CPAMD8: variants seen among roughly 807,000 people sequenced by gnomAD.
The protein encoded by CPAMD8 is C3 and PZP-like alpha-2-macroglobulin domain-containing protein 8.
CPAMD8 carries 146 observed loss-of-function variants against 224.7 expected under a neutral mutation model. The observed-to-expected ratio is 0.65, with a 90% CI of 0.57 to 0.75. CPAMD8 has a LOEUF of 0.75. Among genes scored for constraint, CPAMD8 ranks in the 30% least tolerant of loss-of-function variants. The pLI, the probability that CPAMD8 is intolerant of heterozygous loss-of-function variation, is 0.00. For missense variants in CPAMD8, 2,301 were observed against 2,537.5 expected (o/e 0.91, Z 2.00); for synonymous variants, 966 against 1,044.6 (o/e 0.92, Z 1.45).
At position 17,026,612 on chromosome 19, in the gene CPAMD8, G is replaced by A. The variant is rs759487875; in HGVS notation, c.31C>T (p.Pro11Ser). 2.7e-4 allele frequency: 411 copies of A among 1,514,838 alleles called. No homozygotes were observed. The highest frequency in any genetic ancestry group is 3.4e-4 in the Non-Finnish European group (387 of 1,139,548). 93.8% of individuals were successfully genotyped at this position (1,514,838 alleles called of 1,614,324 possible). ...GCCGACAGCAGCAGGAGCAGGAGCG[G>A]GAGCAACGGCCAGAGCAGGGCGCCG... Reference protein sequence around the residue: MSGALLWPLLPLLLLLLSARD... With the variant: MSGALLWPLLSLLLLLLSARD... The change falls in exon 1 of 42, where the codon CCG (proline) becomes TCG (serine). Residue 11 changes from proline to serine, a missense_variant. Coordinates refer to ENST00000443236, the MANE Select transcript of CPAMD8 (RefSeq NM_015692.5).
intron 17 of CPAMD8, 57 bp downstream of exon 17, chr19:16,975,040 T>A (rs1453123191): frequency 6.4e-7 from 1 of 1,560,464 alleles, no homozygotes; most frequent in Admixed American, 2.1e-5. Context: ...AGACTCTTAT[T>A]TCTAGGCAAG....
intron 18 of CPAMD8, among the ~76,000 whole-genome samples, chr19:16,968,695 G>A (rs2054943633): frequency 6.6e-6 from 1 of 152,128 alleles, no homozygotes; most frequent in Non-Finnish European, 1.5e-5. Flanking sequence ...CTGGAGTGCA[G>A]TGGCACAATC....
chr19:16,919,293 C>T (rs148299814), intron 27 of CPAMD8, among the ~76,000 whole-genome samples: 23 of 152,286 alleles, frequency 1.5e-4, no homozygotes, highest in African/African-American at 5.3e-4. Flanking sequence ...GCTATGGCAT[C>T]CTTCCCGCTT....
rs762672386 is a variant in CPAMD8 at position 16,980,700 on chromosome 19, G to A, written c.1396-14C>T. The A allele has an allele frequency of 5.9e-6, 9 of 1,514,596 alleles. No individual in the cohort carries two copies. The highest frequency in any genetic ancestry group is 1.3e-5 in the South Asian group (1 of 75,612). 93.8% of individuals were successfully genotyped at this position (1,514,596 alleles called of 1,614,324 possible). A position where few individuals can be genotyped will look rare whatever the true frequency, so the allele number is the denominator to read the frequency against. ...TTCTTCCCCAACCTATGGAAGACACGCAGCATGGGGGGCTCTGCCTCGCAC... is the reference window on the plus strand; with the variant it reads ...TTCTTCCCCAACCTATGGAAGACACACAGCATGGGGGGCTCTGCCTCGCAC... On this transcript the variant is annotated splice_polypyrimidine_tract_variant and intron_variant, in intron 13 of 41. Transcript: ENST00000443236.
At chr19:16,963,719 T>G (rs1263651498) in intron 18 of CPAMD8, among the ~76,000 whole-genome samples, 1 of 151,914 alleles carries the variant, frequency 6.6e-6, no homozygotes, top group Non-Finnish European at 1.5e-5. Flanking sequence ...GAACTCTCCA[T>G]CCTAAATCAA....
chr19:16,986,956 G>C (rs539346879), intron 13 of CPAMD8, among the ~76,000 whole-genome samples: 3 of 151,666 alleles, frequency 2.0e-5, no homozygotes, highest in African/African-American at 7.3e-5. Flanking sequence ...AGGAGTTCGA[G>C]ACCACCCTGG....
Position 16,994,515 on chromosome 19 carries a change from C to CTTTTTT in CPAMD8, c.1096-935_1096-930dup, listed in dbSNP as rs71180347. ...CCACATGATCTTCATTAACCACTCC[C>CTTTTTT]TTTTTTTTTTTTTTTTTTTTTGAGA... On this transcript the variant is annotated intron_variant, in intron 11 of 41. Coordinates refer to ENST00000443236, the MANE Select transcript of CPAMD8 (RefSeq NM_015692.5). 4.5e-4 allele frequency among the ~76,000 whole-genome samples: 47 copies of CTTTTTT among 105,288 alleles called. 1 individual carries two copies. Among genetic ancestry groups the CTTTTTT allele is most frequent in the African/African-American group, 7.6e-4 (20 of 26,234 alleles). 69.1% of individuals were successfully genotyped at this position (105,288 alleles called of 152,430 possible).
In CPAMD8 at chr19:16,914,736, G is replaced by A. The variant is rs377222098; in HGVS notation, c.3707C>T (p.Ala1236Val). Residue 1236 changes from alanine (A) to valine (V), a missense_variant, in exon 28 of 42, where the codon GCC becomes GTC. Physicochemically the swap from Ala to Val is moderately conservative, Grantham distance 64. Around this residue, in one of 4 missense-constraint regions of CPAMD8, gnomAD observed 1,709 missense variants for 1,753.2 expected, o/e 0.97. Coordinates refer to ENST00000443236, the MANE Select transcript of CPAMD8 (RefSeq NM_015692.5). ...IFVDPRELAA[A>V]KSWIIQQQQA... Reference sequence around the variant, plus strand: ...CTGCTGCTGGATGATCCAGCTCTTGGCGGCAGCCAGCTCCCGGGGGTCCAC... The same window carrying A: ...CTGCTGCTGGATGATCCAGCTCTTGACGGCAGCCAGCTCCCGGGGGTCCAC... 16 of 1,613,966 alleles carry A rather than the reference G, an allele frequency of 9.9e-6. No individual in the cohort carries two copies. Among genetic ancestry groups the A allele is most frequent in the South Asian group, 6.6e-5 (6 of 91,082 alleles).
chr19:17,003,454 T>G (rs775829869), intron 8 of CPAMD8, among the ~76,000 whole-genome samples: 1 of 151,650 alleles, frequency 6.6e-6, no homozygotes, highest in Non-Finnish European at 1.5e-5. Context: ...AGCCTCAGCT[T>G]CCCAAAGTGT....
intron 12 of CPAMD8, among the ~76,000 whole-genome samples, chr19:16,990,430 G>T (rs1278396113): frequency 1.3e-5 from 2 of 151,832 alleles, no homozygotes; most frequent in Non-Finnish European, 2.9e-5. Context: ...AAAAATTTGT[G>T]CCTGGAGACT....
Position 16,980,821 on chromosome 19 carries a change from C to G in CPAMD8, c.1396-135G>C, listed in dbSNP as rs1452075027. The G allele has an allele frequency of 1.9e-5, 11 of 574,558 alleles. No homozygotes were observed. In the East Asian group the frequency reaches 2.8e-4, roughly 15 times the overall value. 35.6% of individuals were successfully genotyped at this position (574,558 alleles called of 1,614,324 possible). On this transcript the variant is annotated intron_variant, in intron 13 of 41. Transcript: ENST00000443236. ...GGAGTGCCCAGCATCCAGTCCTGGC[C>G]CCTAGCTTTTTTGTTTTTTGTTTTC...
chr19:16,956,902 G>T (rs535574411), intron 19 of CPAMD8, among the ~76,000 whole-genome samples: 1 of 152,028 alleles, frequency 6.6e-6, no homozygotes, highest in Non-Finnish European at 1.5e-5. Context: ...TCCTGATCTC[G>T]TGATCCACCT....
Position 16,935,405 on chromosome 19 carries a change from A to G in CPAMD8, c.2845+2990T>C, listed in dbSNP as rs140668973. Among the ~76,000 whole-genome samples, 705 of 152,150 alleles carry G rather than the reference A, an allele frequency of 4.6e-3. 5 individuals are homozygous for G. The highest frequency in any genetic ancestry group is 0.016 in the African/African-American group (676 of 41,516). On this transcript the variant is annotated intron_variant, in intron 23 of 41. Transcript: ENST00000443236. Reference sequence around the variant, plus strand: ...CCGTTGCCCATTTATAACCATATCCATCCCCTACTTCCTTCTCCCTCTCCC... The same window carrying G: ...CCGTTGCCCATTTATAACCATATCCGTCCCCTACTTCCTTCTCCCTCTCCC...
chr19:16,958,537 T>C (rs1392802662), intron 18 of CPAMD8, among the ~76,000 whole-genome samples: 2 of 152,230 alleles, frequency 1.3e-5, no homozygotes, highest in Non-Finnish European at 2.9e-5. Flanking sequence ...AGCATTTAGG[T>C]TGATTCCAGG....
At position 16,895,925 on chromosome 19, in the gene CPAMD8, A is replaced by ACGCG. The variant is rs771852924; in HGVS notation, c.5426+250_5426+251insCGCG. On this transcript the variant is annotated intron_variant, in intron 41 of 41. Transcript: ENST00000443236. ...CACGCACACACACACACACACACACACACGCGCGCGTGCGCCCGCGCACAG... is the reference window on the plus strand; with the variant it reads ...CACGCACACACACACACACACACACACGCGCACGCGCGCGTGCGCCCGCGCACAG... 2,205 of 525,488 alleles carry ACGCG rather than the reference A, an allele frequency of 4.2e-3. 1 individual carries two copies. Among genetic ancestry groups the ACGCG allele is most frequent in the Non-Finnish European group, 5.3e-3 (1,485 of 279,636 alleles). 32.6% of individuals were successfully genotyped at this position (525,488 alleles called of 1,614,324 possible). A position where few individuals can be genotyped will look rare whatever the true frequency, so the allele number is the denominator to read the frequency against.
intron 29 of CPAMD8, among the ~76,000 whole-genome samples, chr19:16,913,876 A>G (rs1272300707): frequency 1.3e-5 from 2 of 152,130 alleles, no homozygotes; most frequent in Admixed American, 1.3e-4. Context: ...CTTCTCACCC[A>G]GGGCTGAGAT....
intron 5 of CPAMD8, among the ~76,000 whole-genome samples, chr19:17,009,664 C>A (rs1325959157): frequency 3.3e-5 from 5 of 151,954 alleles, no homozygotes; most frequent in African/African-American, 2.4e-5. Flanking sequence ...GTCCCAGCTA[C>A]TCGGGAGGCT....
At chr19:17,023,125 C>T (rs2057000945) in intron 1 of CPAMD8, among the ~76,000 whole-genome samples, 2 of 152,118 alleles carry the variant, frequency 1.3e-5, no homozygotes, top group Admixed American at 6.6e-5. Flanking sequence ...ACAAAAAGAG[C>T]TCTGAAAACA....
chr19:16,987,595 G>A (rs2055791841), intron 13 of CPAMD8, among the ~76,000 whole-genome samples: 1 of 152,030 alleles, frequency 6.6e-6, no homozygotes, highest in East Asian at 1.9e-4. Context: ...ATCATGCATA[G>A]AAAGTACAAA....
Sources: allele counts gnomAD v4.1 joint callset (sites outside exome capture counted in the v4.1 genomes callset), GRCh38; gene constraint gnomAD v4.1.1; regional missense constraint gnomAD v4.1.1; transcripts MANE v1.5; gene names NCBI Gene and HGNC (gene_info 2026-07-23, HGNC 2026-07-21).